The following CCDC158 variants were observed in gnomAD, a reference collection of about 807,000 sequenced individuals.
CCDC158 encodes the protein coiled-coil domain-containing protein 158.
In CCDC158, 116 loss-of-function variants were observed where a neutral mutation model predicts 138.6. The ratio of observed to expected loss-of-function variants is 0.84; its 90% CI spans 0.72 to 0.98. CCDC158 has a LOEUF of 0.98. Among genes scored for constraint, CCDC158 ranks in the 50% least tolerant of loss-of-function variants. CCDC158 has a pLI of 0.00. For synonymous variants in CCDC158, 436 were observed against 442.4 expected (o/e 0.99, Z 0.18); for missense variants, 1,265 against 1,306.1 (o/e 0.97, Z 0.48).
At chr4:76,330,411 G>T (rs963392024) in intron 21 of CCDC158, among the ~76,000 whole-genome samples, 25 of 152,244 alleles carry the variant, frequency 1.6e-4, no homozygotes, top group African/African-American at 4.8e-4. Context: ...AAAAATATAA[G>T]AATAAAACAT....
intron 3 of CCDC158, among the ~76,000 whole-genome samples, chr4:76,400,387 C>T (rs1345892029): frequency 8.2e-6 from 1 of 121,220 alleles, no homozygotes; most frequent in African/African-American, 3.3e-5. Context: ...GGGAACATCA[C>T]ATACCGGGGC....
chr4:76,351,887 G>A (rs1723079815), intron 16 of CCDC158, 75 bp from the exon 17 acceptor site: 2 of 854,424 alleles, frequency 2.3e-6, no homozygotes, highest in Admixed American at 4.3e-5. Flanking sequence ...TATGAATGCA[G>A]AGCTGCCATC....
intron 20 of CCDC158, among the ~76,000 whole-genome samples, chr4:76,331,763 T>C (rs369927331): frequency 1.3e-5 from 2 of 152,296 alleles, no homozygotes; most frequent in African/African-American, 4.8e-5. Context: ...GAGAGATTCG[T>C]GTGACCACTC....
rs749959128 is a variant in CCDC158 at position 76,371,485 on chromosome 4, C to A, written c.1081G>T (p.Ala361Ser). Reference protein sequence around the residue: ...LVLANSELTEARTERDQFSQE... With the variant: ...LVLANSELTESRTERDQFSQE... Reference sequence around the variant, plus strand: ...CTGAATTGATCACGCTCTGTCCGGGCTTCAGTTAGCTCTGAGTTGGCAAGG... The same window carrying A: ...CTGAATTGATCACGCTCTGTCCGGGATTCAGTTAGCTCTGAGTTGGCAAGG... The change falls in exon 10 of 25, where the codon GCC becomes TCC. Residue 361 changes from alanine to serine, a missense_variant. By Grantham distance (99) the Ala-to-Ser change is moderately conservative (BLOSUM62 1). Transcript: ENST00000682701. The A allele has an allele frequency of 1.2e-6, 2 of 1,614,024 alleles. No homozygotes were observed. Among genetic ancestry groups the A allele is most frequent in the East Asian group, 4.5e-5 (2 of 44,894 alleles).
At position 76,384,668 on chromosome 4, in the gene CCDC158, GAA is replaced by G; in HGVS notation, c.289-5_289-4del. The G allele has an allele frequency of 1.3e-6, 2 of 1,570,480 alleles. No homozygotes were observed. Among genetic ancestry groups the G allele is most frequent in the Non-Finnish European group, 1.7e-6 (2 of 1,154,036 alleles). ...TGTTTCTCATGCAATTCATTGCTCTGAAAAAAAAAGCCATGCAAATTAATCTT... is the reference window on the plus strand; with the variant it reads ...TGTTTCTCATGCAATTCATTGCTCTGAAAAAAAGCCATGCAAATTAATCTT... On this transcript the variant is annotated splice_region_variant and splice_polypyrimidine_tract_variant and intron_variant, in intron 4 of 24. Coordinates refer to ENST00000682701, the MANE Select transcript of CCDC158 (RefSeq NM_001394954.1).
chr4:76,328,754 C>A, intron 22 of CCDC158, 146 bp downstream of exon 22: 2 of 653,240 alleles, frequency 3.1e-6, no homozygotes. Context: ...GTGGATAAAA[C>A]AGAATGCATG....
At chr4:76,323,478 T>A in intron 23 of CCDC158, 69 bp from the exon 24 acceptor site, 1 of 1,208,050 alleles carries the variant, frequency 8.3e-7, no homozygotes, top group Non-Finnish European at 1.2e-6. Flanking sequence ...ATCTTTGAAT[T>A]AAAGGCTAAA....
rs1340784135 is a variant in CCDC158, at chr4:76,367,291, GA to G, written c.1830+2del. ...AGTTAAATCACAAAAAAACTCTACA[GA>G]CCTTAAGTTCCTTTAGTTCCATCCG... On this transcript the variant is annotated splice_donor_variant, in intron 12 of 24. Transcript: ENST00000682701. LOFTEE classifies it high-confidence loss of function. 3.1e-6 allele frequency: 5 copies of G among 1,605,916 alleles called. No homozygotes were observed. The highest frequency in any genetic ancestry group is 4.3e-6 in the Non-Finnish European group (5 of 1,175,124).
chr4:76,350,975 A>G (rs200721618), intron 18 of CCDC158, 21 bp downstream of exon 18: 9 of 1,610,090 alleles, frequency 5.6e-6, no homozygotes, highest in Middle Eastern at 3.3e-4. Context: ...TGCGTAATGG[A>G]TCATAAGACT....
At position 76,371,504 on chromosome 4, in the gene CCDC158, G is replaced by A. The variant is rs1345333427; in HGVS notation, c.1062C>T (p.Ala354=). The change falls in exon 10 of 25, where the codon GCC becomes GCT. Residue 354 remains alanine, a synonymous_variant. Transcript: ENST00000682701. ...TCCGGGCTTCAGTTAGCTCTGAGTT[G>A]GCAAGGACTAACTGCTTTTCCAGCT... ...TEELEKQLVL[A]NSELTEARTE... 2.5e-6 allele frequency: 4 copies of A among 1,614,054 alleles called. No individual in the cohort carries two copies. The South Asian group carries it at 4.4e-5, about 18-fold the overall frequency.
At chr4:76,315,038 C>G (rs1719242465) in intron 24 of CCDC158, among the ~76,000 whole-genome samples, 1 of 152,130 alleles carries the variant, frequency 6.6e-6, no homozygotes. Context: ...CTGCCCGCCA[C>G]CCCCAACCAC....
intron 3 of CCDC158, among the ~76,000 whole-genome samples, chr4:76,397,875 C>A (rs1727970896): frequency 6.6e-6 from 1 of 152,126 alleles, no homozygotes; most frequent in South Asian, 2.1e-4. Flanking sequence ...CTAAAAGGAA[C>A]AAGGGCTTCC....
chr4:76,349,062 A>G (rs1722824974), intron 18 of CCDC158, among the ~76,000 whole-genome samples: 1 of 151,620 alleles, frequency 6.6e-6, no homozygotes, highest in African/African-American at 2.4e-5. Flanking sequence ...GAAAACAGTC[A>G]GAGAAAAAAC....
chr4:76,345,461 A>G (rs1344197914), intron 18 of CCDC158: 3 of 936,904 alleles, frequency 3.2e-6, no homozygotes, highest in Non-Finnish European at 5.3e-6. Flanking sequence ...AAGAACTGAT[A>G]AATTTCAAAC....
At chr4:76,330,962 A>G (rs1720953943) in intron 21 of CCDC158, among the ~76,000 whole-genome samples, 1 of 152,188 alleles carries the variant, frequency 6.6e-6, no homozygotes, top group Non-Finnish European at 1.5e-5. Context: ...TTCACTAAAC[A>G]AATATTTACT....
rs145590540 is a variant in CCDC158 at position 76,367,556 on chromosome 4, C to T, written c.1568G>A (p.Arg523His). ...EATNAEITKL[R>H]SRVDLKLQEL... Reference sequence around the variant, plus strand: ...CTGCAATTTCAAGTCCACCCGGGAGCGGAGCTTTGTGATCTCTGCATTGGT... The same window carrying T: ...CTGCAATTTCAAGTCCACCCGGGAGTGGAGCTTTGTGATCTCTGCATTGGT... Residue 523 changes from arginine to histidine, a missense_variant, in exon 12 of 25, where the codon CGC becomes CAC. Arg to His is a conservative substitution (Grantham distance 29, BLOSUM62 0). Coordinates refer to ENST00000682701, the MANE Select transcript of CCDC158 (RefSeq NM_001394954.1). The T allele has an allele frequency of 9.9e-5, 159 of 1,614,204 alleles. No individual in the cohort carries two copies. Among genetic ancestry groups the T allele is most frequent in the East Asian group, 2.0e-4 (9 of 44,886 alleles).
At chr4:76,329,736 G>T (rs1378499863) in intron 21 of CCDC158, among the ~76,000 whole-genome samples, 2 of 152,158 alleles carry the variant, frequency 1.3e-5, no homozygotes. Context: ...TTCTCAAAGT[G>T]GTTCCCTTTC....
At chr4:76,361,035 C>G (rs1280820595) in intron 13 of CCDC158, among the ~76,000 whole-genome samples, 1 of 152,084 alleles carries the variant, frequency 6.6e-6, no homozygotes, top group African/African-American at 2.4e-5. Context: ...GCGGATTTCC[C>G]CTTTGCTGTT....
intron 20 of CCDC158, among the ~76,000 whole-genome samples, chr4:76,331,676 T>A (rs1578882480): frequency 6.6e-6 from 1 of 152,024 alleles, no homozygotes; most frequent in Non-Finnish European, 1.5e-5. Flanking sequence ...AAGACAAAAA[T>A]AAATGAACTT....
Sources: gnomAD v4.1 joint callset for allele counts (sites outside exome capture counted in the v4.1 genomes callset) on GRCh38, gnomAD v4.1.1 for gene constraint, MANE v1.5 for transcripts, NCBI Gene and HGNC (gene_info 2026-07-23, HGNC 2026-07-21) for gene names.